The following RALYL variants were observed in gnomAD, a reference collection of about 807,000 sequenced individuals.
RALYL encodes RNA-binding Raly-like protein.
A neutral mutation model predicts 35.1 loss-of-function variants in RALYL; 29 were observed. The observed-to-expected ratio is 0.83, with a 90% confidence interval of 0.61 to 1.13. The LOEUF (loss-of-function observed/expected upper bound fraction) is 1.13. Ranked by LOEUF, RALYL falls within the 50% of genes most tolerant of loss-of-function variation. The pLI is 0.00. For synonymous variants in RALYL, 120 were observed against 127.6 expected (o/e 0.94, Z 0.40); for missense variants, 359 against 360.4 (o/e 1.00, Z 0.03).
intron 1 of RALYL, among the ~76,000 whole-genome samples, chr8:84,426,693 A>G (rs2046511328): frequency 6.6e-6 from 1 of 152,162 alleles, no homozygotes. Context: ...GACATTGAAA[A>G]TGGCCAACAG....
intron 2 of RALYL, among the ~76,000 whole-genome samples, chr8:84,671,903 TCTC>T (rs1159426491): frequency 6.6e-6 from 1 of 152,228 alleles, no homozygotes; most frequent in Admixed American, 6.5e-5. Flanking sequence ...AGCTTGATTT[TCTC>T]CTCAGAAAAT....
chr8:84,478,414 G>T (rs1302872224), intron 1 of RALYL, among the ~76,000 whole-genome samples: 1 of 152,056 alleles, frequency 6.6e-6, no homozygotes, highest in African/African-American at 2.4e-5. Context: ...CTGAATAAAA[G>T]AATAGAAAAG....
At chr8:84,861,393 T>C (rs1320095063) in intron 5 of RALYL, among the ~76,000 whole-genome samples, 1 of 152,216 alleles carries the variant, frequency 6.6e-6, no homozygotes, top group Non-Finnish European at 1.5e-5. Context: ...ATGAAGCTTC[T>C]GAATCTATGA....
chr8:84,885,455 G>A (rs772549069), intron 7 of RALYL, among the ~76,000 whole-genome samples: 3 of 151,958 alleles, frequency 2.0e-5, no homozygotes, highest in Non-Finnish European at 4.4e-5. Context: ...AGGAAAAATG[G>A]GAAGAATTTA....
At chr8:84,371,949 T>C (rs968394264) in intron 1 of RALYL, among the ~76,000 whole-genome samples, 2 of 151,878 alleles carry the variant, frequency 1.3e-5, no homozygotes. Context: ...TGCAGCCCGC[T>C]AATAAAACAC....
At chr8:84,871,340 T>C (rs1586880754) in intron 6 of RALYL, among the ~76,000 whole-genome samples, 1 of 152,278 alleles carries the variant, frequency 6.6e-6, no homozygotes, top group Non-Finnish European at 1.5e-5. Flanking sequence ...AATACATAAA[T>C]TAAAATTAGT....
chr8:84,860,580 G>C (rs1837909531), intron 5 of RALYL, among the ~76,000 whole-genome samples: 1 of 152,182 alleles, frequency 6.6e-6, no homozygotes, highest in Non-Finnish European at 1.5e-5. Flanking sequence ...GCCCCTAGTG[G>C]TATGGATGAT....
chr8:84,288,385 T>A (rs1354459150), intron 1 of RALYL, among the ~76,000 whole-genome samples: 3 of 152,194 alleles, frequency 2.0e-5, no homozygotes, highest in African/African-American at 7.2e-5. Context: ...CATGTCATCA[T>A]TGCCGATTTT....
At chr8:84,303,773 A>C (rs1032678779) in intron 1 of RALYL, among the ~76,000 whole-genome samples, 1 of 152,144 alleles carries the variant, frequency 6.6e-6, no homozygotes, top group Non-Finnish European at 1.5e-5. Context: ...GGTTAGGGAA[A>C]TATATCACAT....
At chr8:84,779,093 T>C (rs374663174) in intron 3 of RALYL, among the ~76,000 whole-genome samples, 4 of 152,234 alleles carry the variant, frequency 2.6e-5, no homozygotes, top group African/African-American at 9.6e-5. Flanking sequence ...CTGGCCCTAA[T>C]GGTGAATAGC....
rs1465528790 is a variant in RALYL, at chr8:84,253,768, AT to A, written c.-24+69347del. ...CCTCTGTCTGTCTAGGTAGAGTAGA[AT>A]TTATGCTTGGATAATTTAAAACAGT... On this transcript the variant is annotated intron_variant, in intron 1 of 8. Coordinates refer to ENST00000521268, the MANE Select transcript of RALYL (RefSeq NM_173848.7). Among the ~76,000 whole-genome samples the A allele has an allele frequency of 3.9e-5, 6 of 152,188 alleles. No homozygotes were observed. The East Asian group carries it at 1.2e-3, about 30-fold the overall frequency.
chr8:84,755,396 T>G (rs900659714), intron 2 of RALYL, among the ~76,000 whole-genome samples: 4 of 152,180 alleles, frequency 2.6e-5, no homozygotes, highest in African/African-American at 9.7e-5. Context: ...TCAAATAAAA[T>G]GATGTGTAGC....
rs1849878341 is a variant in RALYL, at chr8:84,346,600, A to T, written c.-24+162176A>T. Among the ~76,000 whole-genome samples, 3 of 151,882 alleles carry T rather than the reference A, an allele frequency of 2.0e-5. No individual in the cohort carries two copies. The South Asian group carries it at 6.2e-4, about 31-fold the overall frequency. The stretch of plus-strand genomic sequence containing the variant: ...TCTTGTGCCTCAGCCTCCCAAGTAG[A>T]TAGAAGTACAGGTGTGTGCCACCAT... On this transcript the variant is annotated intron_variant, in intron 1 of 8. Transcript: ENST00000521268.
intron 1 of RALYL, among the ~76,000 whole-genome samples, chr8:84,350,313 T>G (rs1263652343): frequency 1.3e-5 from 2 of 150,604 alleles, no homozygotes; most frequent in African/African-American, 2.5e-5. Context: ...ATGTGAATGC[T>G]TATAACAGTT....
At chr8:84,869,640 CCCCCT>C (rs1212158931) in intron 6 of RALYL, among the ~76,000 whole-genome samples, 1 of 152,094 alleles carries the variant, frequency 6.6e-6, no homozygotes, top group African/African-American at 2.4e-5. Flanking sequence ...AGTAGGACCA[CCCCCT>C]CCAAGTCATA....
chr8:84,830,644 A>G (rs1340909705), intron 4 of RALYL, among the ~76,000 whole-genome samples: 2 of 152,202 alleles, frequency 1.3e-5, no homozygotes, highest in Non-Finnish European at 2.9e-5. Flanking sequence ...GGTTATATCA[A>G]TATAAACATT....
chr8:84,538,734 A>G (rs1257304843), intron 2 of RALYL, among the ~76,000 whole-genome samples: 1 of 152,184 alleles, frequency 6.6e-6, no homozygotes, highest in African/African-American at 2.4e-5. Flanking sequence ...ATCAAATACC[A>G]TAAAAGGATG....
intron 1 of RALYL, among the ~76,000 whole-genome samples, chr8:84,220,147 G>A (rs1478495800): frequency 6.6e-6 from 1 of 151,934 alleles, no homozygotes. Context: ...TGGTAATATA[G>A]TGCTCACTCC....
chr8:84,259,814 C>T (rs1831897176), intron 1 of RALYL, among the ~76,000 whole-genome samples: 1 of 152,076 alleles, frequency 6.6e-6, no homozygotes, highest in African/African-American at 2.4e-5. Flanking sequence ...GCAGTGATAA[C>T]ATGCTGTGTG....
Sources: gnomAD v4.1 joint callset for allele counts (sites outside exome capture counted in the v4.1 genomes callset) on GRCh38, gnomAD v4.1.1 for gene constraint, MANE v1.5 for transcripts, NCBI Gene and HGNC (gene_info 2026-07-23, HGNC 2026-07-21) for gene names.